Variants in RUNX1 observed in about 807,000 individuals in gnomAD.
The protein encoded by RUNX1 is runt-related transcription factor 1.
In RUNX1, 19 loss-of-function variants were observed where a neutral mutation model predicts 42.8. The ratio of observed to expected loss-of-function variants is 0.44; its 90% confidence interval spans 0.31 to 0.65. RUNX1 has a LOEUF of 0.65. RUNX1 is among the 30% of genes least tolerant of loss of function. RUNX1 has a pLI of 0.07. For synonymous variants in RUNX1, 271 were observed against 289.4 expected, an observed-to-expected ratio of 0.94 and a Z score of 0.64; for missense variants, 528 against 672.0, an observed-to-expected ratio of 0.79 and a Z score of 2.37.
chr21:34,902,017 G>A (rs1335803047), intron 2 of RUNX1, among the ~76,000 whole-genome samples: 1 of 152,128 alleles, frequency 6.6e-6, no homozygotes, highest in East Asian at 1.9e-4. Flanking sequence ...ACAATGAATA[G>A]GAAATGTGAC....
At chr21:34,964,677 A>C (rs2058706025) in intron 2 of RUNX1, among the ~76,000 whole-genome samples, 2 of 152,126 alleles carry the variant, frequency 1.3e-5, no homozygotes, top group Middle Eastern at 3.2e-3. Flanking sequence ...TGTCTCAGAG[A>C]GGAGCAAAGA....
chr21:34,872,152 C>CT (rs1194101983), intron 5 of RUNX1, among the ~76,000 whole-genome samples: 12 of 152,044 alleles, frequency 7.9e-5, no homozygotes, highest in Non-Finnish European at 1.8e-4. Flanking sequence ...CTCTTTATCA[C>CT]TTTTTTAATA....
chr21:34,869,221 A>G (rs564964272), intron 5 of RUNX1, among the ~76,000 whole-genome samples: 3 of 152,264 alleles, frequency 2.0e-5, no homozygotes, highest in African/African-American at 7.2e-5. Context: ...AAGGAAGAAC[A>G]TCATCAAGAG....
chr21:34,959,616 A>T (rs73900739), intron 2 of RUNX1, among the ~76,000 whole-genome samples: 8,758 of 152,224 alleles, frequency 0.058, 827 homozygotes, highest in African/African-American at 0.2. Flanking sequence ...GTACTAAAGA[A>T]GCAAATATTT....
chr21:34,896,134 C>G (rs1243365683), intron 2 of RUNX1, among the ~76,000 whole-genome samples: 1 of 151,902 alleles, frequency 6.6e-6, no homozygotes, highest in Non-Finnish European at 1.5e-5. Context: ...ATAGGAGGTG[C>G]TGGTGGGGAA....
At chr21:34,863,810 T>A (rs1020886324) in intron 5 of RUNX1, among the ~76,000 whole-genome samples, 2 of 152,130 alleles carry the variant, frequency 1.3e-5, no homozygotes, top group African/African-American at 4.8e-5. Flanking sequence ...CACCTTGGCC[T>A]CCCAATCATG....
At chr21:34,980,783 C>G (rs1462546387) in intron 2 of RUNX1, among the ~76,000 whole-genome samples, 1 of 152,160 alleles carries the variant, frequency 6.6e-6, no homozygotes, top group African/African-American at 2.4e-5. Context: ...ATTTGTTTTT[C>G]ATGGTTTGTA....
At chr21:34,837,666 G>A (rs1336536215) in intron 6 of RUNX1, among the ~76,000 whole-genome samples, 1 of 152,164 alleles carries the variant, frequency 6.6e-6, no homozygotes, top group Non-Finnish European at 1.5e-5. Context: ...CTTTCTCACT[G>A]AGTACCGGGC....
At chr21:34,829,018 T>A (rs916565495) in intron 7 of RUNX1, among the ~76,000 whole-genome samples, 1 of 152,232 alleles carries the variant, frequency 6.6e-6, no homozygotes, top group Non-Finnish European at 1.5e-5. Context: ...TTCACAGTGG[T>A]CCTAGGATCT....
At chr21:34,814,046 C>CA (rs968550003) in intron 7 of RUNX1, among the ~76,000 whole-genome samples, 27 of 151,132 alleles carry the variant, frequency 1.8e-4, no homozygotes, top group East Asian at 5.8e-4. Context: ...AGCTAAACCT[C>CA]AAAAAAAAAG....
chr21:34,788,667 A>T lies in RUNX1; in HGVS notation c.*3468T>A, dbSNP rs2056398688. 1 of 233,362 alleles carries T rather than the reference A, an allele frequency of 4.3e-6. No homozygotes were observed. Among genetic ancestry groups the T allele is most frequent in the Admixed American group, 5.6e-5 (1 of 17,784 alleles). 14.5% of individuals were successfully genotyped at this position (233,362 alleles called of 1,614,324 possible). On this transcript the variant is annotated 3_prime_UTR_variant, in exon 9 of 9. Transcript: ENST00000675419. The stretch of plus-strand genomic sequence containing the variant: ...TTGATGCAACTCTTCTGGAAGGAAA[A>T]AAAGAGCCAAATGATCAGCCTCATC...
intron 3 of RUNX1, among the ~76,000 whole-genome samples, chr21:34,889,086 C>A (rs886265130): frequency 1.3e-4 from 19 of 151,458 alleles, no homozygotes; most frequent in African/African-American, 4.6e-4. Context: ...GCGCGCCGCA[C>A]CCGGAGAGGC....
intron 2 of RUNX1, among the ~76,000 whole-genome samples, chr21:34,908,588 G>A (rs1313865169): frequency 1.3e-5 from 2 of 152,160 alleles, no homozygotes; most frequent in Admixed American, 6.5e-5. Flanking sequence ...GGGGGTCGGG[G>A]GAGGTGCAAT....
intron 5 of RUNX1, among the ~76,000 whole-genome samples, chr21:34,877,331 AT>A (rs1229841769): frequency 6.6e-6 from 1 of 152,026 alleles, no homozygotes; most frequent in Non-Finnish European, 1.5e-5. Context: ...CTGAACTTCA[AT>A]TTTTTGGGGG....
intron 2 of RUNX1, among the ~76,000 whole-genome samples, chr21:34,903,787 A>G (rs2058196046): frequency 6.6e-6 from 1 of 152,248 alleles, no homozygotes; most frequent in Admixed American, 6.5e-5. Flanking sequence ...CAGTTGGCTA[A>G]GACTATCAAT....
At position 34,789,524 on chromosome 21, in the gene RUNX1, T is replaced by C; in HGVS notation, c.*2611A>G. The C allele has an allele frequency of 4.3e-6, 1 of 233,670 alleles. No individual in the cohort carries two copies. Among genetic ancestry groups the C allele is most frequent in the Non-Finnish European group, 8.5e-6 (1 of 118,064 alleles). The allele number at this position is 233,670 out of a possible 1,614,324, so 14.5% of individuals were successfully genotyped here. On this transcript the variant is annotated 3_prime_UTR_variant, in exon 9 of 9. Transcript: ENST00000675419. The stretch of plus-strand genomic sequence containing the variant: ...AAGGGTCTCATTGATACCTTAACTT[T>C]CCTGAGGGCAATGAATAAAAAGATA...
intron 2 of RUNX1, among the ~76,000 whole-genome samples, chr21:34,985,607 A>C (rs532800354): frequency 8.5e-5 from 13 of 152,300 alleles, no homozygotes; most frequent in African/African-American, 2.9e-4. Context: ...CCAAATGTTT[A>C]GGGTGGAGCC....
At chr21:34,819,871 C>A (rs1462965143) in intron 7 of RUNX1, among the ~76,000 whole-genome samples, 1 of 152,258 alleles carries the variant, frequency 6.6e-6, no homozygotes, top group African/African-American at 2.4e-5. Flanking sequence ...TGCTTCTGGC[C>A]CGCCAGCCCA....
intron 2 of RUNX1, among the ~76,000 whole-genome samples, chr21:34,919,219 C>G (rs374341641): frequency 4.6e-5 from 7 of 152,100 alleles, no homozygotes; most frequent in African/African-American, 7.2e-5. Flanking sequence ...CTTAACTAGT[C>G]GAAGCTGTTT....
Sources: gnomAD v4.1 joint callset for allele counts (sites outside exome capture counted in the v4.1 genomes callset) on GRCh38, gnomAD v4.1.1 for gene constraint, MANE v1.5 for transcripts, NCBI Gene and HGNC (gene_info 2026-07-23, HGNC 2026-07-21) for gene names.